SETD1B: variants seen among roughly 807,000 people sequenced by gnomAD.
The protein encoded by SETD1B is histone-lysine N-methyltransferase SETD1B.
SETD1B carries 7 observed loss-of-function variants against 148.0 expected under a neutral mutation model. The observed-to-expected ratio is 0.05, with a 90% CI of 0.03 to 0.09. SETD1B has a LOEUF of 0.09. SETD1B is among the 10% of genes least tolerant of loss of function. The probability of loss-of-function intolerance (pLI) is 1.00; values close to 1 mark genes in which losing one functional copy is unlikely to be tolerated. For synonymous variants in SETD1B, 1,361 were observed against 1,186.5 expected (o/e 1.15, Z -3.02); for missense variants, 2,155 against 2,729.9 (o/e 0.79, Z 4.69).
At chr12:121,806,728 T>C (rs1875763191) in intron 4 of SETD1B, among the ~76,000 whole-genome samples, 1 of 152,084 alleles carries the variant, frequency 6.6e-6, no homozygotes, top group South Asian at 2.1e-4. Flanking sequence ...TGACACTGTG[T>C]CTTCCCTCCT....
chr12:121,803,455 AC>A (rs1875501217), upstream of SETD1B: 1 of 152,166 alleles, frequency 6.6e-6, no homozygotes, highest in African/African-American at 2.4e-5. This position sits in a 1 kb window ranked among gnomAD's most constrained non-coding sequence, Gnocchi z 4.7. Flanking sequence ...AACGTGGTGA[AC>A]CCTGGTCTCC....
intron 4 of SETD1B, among the ~76,000 whole-genome samples, chr12:121,807,117 C>CT: frequency 6.6e-6 from 1 of 152,296 alleles, no homozygotes; most frequent in East Asian, 1.9e-4. Flanking sequence ...CAGAACTTTT[C>CT]TTTTTTTGCG....
Position 121,808,066 on chromosome 12 carries a change from G to C in SETD1B, c.545-142G>C. 1 of 609,902 alleles carries C rather than the reference G, an allele frequency of 1.6e-6. No homozygotes were observed. The highest frequency in any genetic ancestry group is 3.0e-5 in the East Asian group (1 of 33,606). The allele number at this position is 609,902 out of a possible 1,614,324, so 37.8% of individuals were successfully genotyped here. Reference sequence around the variant, plus strand: ...ACCCTGAGCGAGGTGCAGAGGGGTGGGAACTCAGGGCCACACAGCCTCCCT... The same window carrying C: ...ACCCTGAGCGAGGTGCAGAGGGGTGCGAACTCAGGGCCACACAGCCTCCCT... On this transcript the variant is annotated intron_variant, in intron 4 of 16. Transcript: ENST00000604567. This position sits in a 1 kb window ranked among gnomAD's most constrained non-coding sequence, Gnocchi z 5.3.
chr12:121,806,460 T>C (rs1246852453), intron 4 of SETD1B, among the ~76,000 whole-genome samples: 1 of 152,046 alleles, frequency 6.6e-6, no homozygotes, highest in Non-Finnish European at 1.5e-5. Flanking sequence ...ACAGAGTTTG[T>C]TTACTTGTGG....
intron 4 of SETD1B, among the ~76,000 whole-genome samples, chr12:121,806,650 A>T (rs1460678228): frequency 1.3e-5 from 2 of 152,098 alleles, no homozygotes. Flanking sequence ...TTCTCGACAG[A>T]GCCGCCGGGG....
intron 16 of SETD1B, 32 bp downstream of exon 16, chr12:121,828,102 C>T (rs1309548609): frequency 2.6e-6 from 4 of 1,548,332 alleles, no homozygotes; most frequent in South Asian, 1.2e-5. Flanking sequence ...GCCCCTGCCC[C>T]TGCTCCTGCC....
Position 121,810,085 on chromosome 12 carries a change from C to T in SETD1B, c.1140C>T (p.His380=). ...AQPQDSATFA[H]TPPPAQATPA... is the part of the protein sequence containing the mutation. ...CACAGGATTCAGCCACATTTGCCCA[C>T]ACTCCACCACCCGCCCAAGCAACCC... is the stretch of plus-strand genomic sequence containing the variant. The change falls in exon 6 of 17, where the codon CAC becomes CAT. Residue 380 remains histidine, a synonymous_variant. Transcript: ENST00000604567. This position sits in a 1 kb window ranked among gnomAD's most constrained non-coding sequence, Gnocchi z 7.6. 6.5e-7 allele frequency: 1 copy of T among 1,550,248 alleles called. No homozygotes were observed. The highest frequency in any genetic ancestry group is 8.7e-7 in the Non-Finnish European group (1 of 1,146,936).
chr12:121,816,373 T>C (rs547981218), intron 7 of SETD1B, among the ~76,000 whole-genome samples: 1 of 152,018 alleles, frequency 6.6e-6, no homozygotes, highest in East Asian at 1.9e-4. Flanking sequence ...TGTCAGAGCC[T>C]GTTTGTCATC....
the SETD1B span, chr12:121,797,255 G>C: frequency 8.3e-6 from 3 of 362,390 alleles, no homozygotes; most frequent in African/African-American, 6.4e-5. Flanking sequence ...AAGAGGCGGG[G>C]ATGCCGGCGA....
the SETD1B span, among the ~76,000 whole-genome samples, chr12:121,790,758 A>G: frequency 6.6e-6 from 1 of 152,354 alleles, no homozygotes; most frequent in East Asian, 1.9e-4. Flanking sequence ...CAGGGAAGAT[A>G]GATCTCCCCG....
chr12:121,815,541 G>T (rs566898640), intron 7 of SETD1B, among the ~76,000 whole-genome samples: 44 of 152,064 alleles, frequency 2.9e-4, no homozygotes, highest in Non-Finnish European at 5.1e-4. Flanking sequence ...ACAGGGTCTC[G>T]CTGTATCGTC....
Position 121,823,337 on chromosome 12 carries a change from T to TGGGCCC in SETD1B, c.4758_4759insGGGCCC (p.Leu1586_Pro1587insGlyPro). On this transcript the variant is annotated inframe_insertion, in exon 12 of 17. Coordinates refer to ENST00000604567, the MANE Select transcript of SETD1B (RefSeq NM_001353345.2). ...GGATCCCAGCCCCTCCACCACCCCT[T>TGGGCCC]CCCCCCCAGCCACCCCCACCCCCAC... The TGGGCCC allele has an allele frequency of 6.2e-6, 5 of 809,460 alleles. No homozygotes were observed. Among genetic ancestry groups the TGGGCCC allele is most frequent in the Non-Finnish European group, 8.9e-6 (5 of 560,534 alleles). 50.1% of individuals were successfully genotyped at this position (809,460 alleles called of 1,614,324 possible). A position where few individuals can be genotyped will look rare whatever the true frequency, so the allele number is the denominator to read the frequency against.
Position 121,821,749 on chromosome 12 carries a change from G to A in SETD1B, c.3911-741G>A, listed in dbSNP as rs575229607. Among the ~76,000 whole-genome samples, 24 of 151,986 alleles carry A rather than the reference G, an allele frequency of 1.6e-4. No homozygotes were observed. In the South Asian group the frequency reaches 3.5e-3, roughly 22 times the overall value. On this transcript the variant is annotated intron_variant, in intron 11 of 16. Transcript: ENST00000604567. The stretch of plus-strand genomic sequence containing the variant: ...CTGGGTGACAGAGTGAGACTGTCTC[G>A]AAAAAATAAAAATAAAATAATGTAA...
the SETD1B span, chr12:121,793,078 G>A: frequency 2.0e-4 from 261 of 1,313,088 alleles, 1 homozygote; most frequent in Admixed American, 8.0e-5. Flanking sequence ...GGGACACCCA[G>A]TGGGGGACGC....
the SETD1B span, chr12:121,794,176 G>A: frequency 6.5e-6 from 1 of 153,046 alleles, no homozygotes; most frequent in Non-Finnish European, 1.5e-5. Context: ...CTTCCCCACA[G>A]GAGGTAGCGG....
upstream of SETD1B, chr12:121,799,163 G>C (rs561222895): frequency 2.0e-5 from 3 of 152,364 alleles, no homozygotes; most frequent in East Asian, 5.8e-4. Context: ...AAGAACCACT[G>C]ATCTAGCCCT....
the SETD1B span, chr12:121,797,998 A>G: frequency 6.0e-5 from 12 of 199,314 alleles, no homozygotes; most frequent in African/African-American, 2.8e-4. Context: ...TGGCCCTCAC[A>G]GGAGGAGCCA....
chr12:121,828,591 A>T (rs1876952207), intron 16 of SETD1B, among the ~76,000 whole-genome samples: 1 of 152,140 alleles, frequency 6.6e-6, no homozygotes, highest in Non-Finnish European at 1.5e-5. Flanking sequence ...TGACGACTGT[A>T]TTGGGTGGTG....
Position 121,805,268 on chromosome 12 carries a change from G to T in SETD1B, c.273+52G>T. ...GTCCCTCCCCCACCTCCCCGAGTTC[G>T]AAAATAACGCCAGTCCTGACCGAGC... On this transcript the variant is annotated intron_variant, in intron 3 of 16. Coordinates refer to ENST00000604567, the MANE Select transcript of SETD1B (RefSeq NM_001353345.2). The surrounding 1 kb of genome is among the most constrained non-coding windows in gnomAD (Gnocchi z 4.2). The T allele has an allele frequency of 3.6e-6, 5 of 1,408,128 alleles. No individual in the cohort carries two copies. Among genetic ancestry groups the T allele is most frequent in the South Asian group, 1.2e-5 (1 of 80,878 alleles). The allele number at this position is 1,408,128 out of a possible 1,614,324, so 87.2% of individuals were successfully genotyped here.
Sources: gnomAD v4.1 joint callset for allele counts (sites outside exome capture counted in the v4.1 genomes callset) on GRCh38, gnomAD v4.1.1 for gene constraint, Gnocchi (gnomAD v3.1) non-coding constraint, MANE v1.5 for transcripts, NCBI Gene and HGNC (gene_info 2026-07-23, HGNC 2026-07-21) for gene names.